The following BRINP3 variants were observed in gnomAD, a reference collection of about 807,000 sequenced individuals.
The protein encoded by BRINP3 is BMP/retinoic acid inducible neural specific 3.
Under a neutral mutation model 71.0 loss-of-function variants are expected in BRINP3, and 19 were observed. The ratio of observed to expected loss-of-function variants is 0.27; its 90% CI spans 0.19 to 0.39. The LOEUF (loss-of-function observed/expected upper bound fraction) is 0.39. Ranked by LOEUF, BRINP3 falls within the 10% of genes least tolerant of loss-of-function variation. BRINP3 has a pLI of 1.00. For synonymous variants in BRINP3, 380 were observed against 337.7 expected, an observed-to-expected ratio of 1.13 and a Z score of -1.37; for missense variants, 959 against 940.8, an observed-to-expected ratio of 1.02 and a Z score of -0.25.
chr1:190,270,477 AT>A (rs1662010365), intron 3 of BRINP3, among the ~76,000 whole-genome samples: 1 of 151,754 alleles, frequency 6.6e-6, no homozygotes, highest in South Asian at 2.1e-4. Context: ...ATGTAAATCA[AT>A]TTTTGGAATA....
intron 2 of BRINP3, among the ~76,000 whole-genome samples, chr1:190,421,456 T>C (rs1238681210): frequency 6.6e-6 from 1 of 151,420 alleles, no homozygotes. Context: ...TGGATCTACA[T>C]GTTATTTTAT....
At chr1:190,280,935 T>C (rs1298336283) in intron 3 of BRINP3, among the ~76,000 whole-genome samples, 1 of 151,960 alleles carries the variant, frequency 6.6e-6, no homozygotes, top group African/African-American at 2.4e-5. Flanking sequence ...TTCAAAATGC[T>C]GAATCACACA....
intron 7 of BRINP3, among the ~76,000 whole-genome samples, chr1:190,129,569 T>G (rs1654364229): frequency 6.6e-6 from 1 of 151,926 alleles, no homozygotes. Flanking sequence ...CCAATCTGTG[T>G]TTAGAGCAGC....
At chr1:190,246,476 T>C (rs1490739342) in intron 4 of BRINP3, among the ~76,000 whole-genome samples, 2 of 151,906 alleles carry the variant, frequency 1.3e-5, no homozygotes, top group African/African-American at 4.8e-5. Flanking sequence ...AGGTGATTGT[T>C]AGCTCACTTA....
At position 190,370,667 on chromosome 1, in the gene BRINP3, T is replaced by C. The variant is rs12038520; in HGVS notation, c.236+83988A>G. ...GTGGGAGAGGCTGGCTTGGCTAAGG[T>C]AAGGCAGGGCCTTCATGGCGAAGCC... On this transcript the variant is annotated intron_variant, in intron 2 of 7. Coordinates refer to ENST00000367462, the MANE Select transcript of BRINP3 (RefSeq NM_199051.3). Among the ~76,000 whole-genome samples the C allele has an allele frequency of 3.3e-3, 506 of 152,318 alleles. 24 individuals are homozygous for C. In the East Asian group the frequency reaches 0.077, roughly 23 times the overall value.
rs372322835 is a variant in BRINP3 at position 190,297,361 on chromosome 1, C to CA, written c.237-15612dup. 6.0e-3 allele frequency among the ~76,000 whole-genome samples: 863 copies of CA among 143,772 alleles called. 7 individuals are homozygous for CA. The highest frequency in any genetic ancestry group is 0.011 in the Middle Eastern group (3 of 276). 94.3% of individuals were successfully genotyped at this position (143,772 alleles called of 152,430 possible). On this transcript the variant is annotated intron_variant, in intron 2 of 7. Transcript: ENST00000367462. ...TTGGACCTTTGTCTCATACAATACA[C>CA]AAAAAAAAAACTCAAAAAAGATTAA... is the stretch of plus-strand genomic sequence containing the variant.
chr1:190,340,923 A>C (rs1202322619), intron 2 of BRINP3, among the ~76,000 whole-genome samples: 1 of 151,636 alleles, frequency 6.6e-6, no homozygotes, highest in Non-Finnish European at 1.5e-5. Context: ...TTTTTCCAAG[A>C]AATACTTTTT....
At chr1:190,312,480 G>C (rs1243464806) in intron 2 of BRINP3, among the ~76,000 whole-genome samples, 1 of 151,590 alleles carries the variant, frequency 6.6e-6, no homozygotes, top group Non-Finnish European at 1.5e-5. Flanking sequence ...GAAATGAATA[G>C]AGCAGGCTTT....
chr1:190,403,207 T>C (rs1672047214), intron 2 of BRINP3, among the ~76,000 whole-genome samples: 1 of 152,228 alleles, frequency 6.6e-6, no homozygotes, highest in African/African-American at 2.4e-5. Context: ...TTATTTAATA[T>C]TGTATTTGCC....
intron 2 of BRINP3, among the ~76,000 whole-genome samples, chr1:190,295,556 C>T (rs886785040): frequency 2.6e-5 from 4 of 152,080 alleles, no homozygotes; most frequent in African/African-American, 9.7e-5. Context: ...ACTGAGGGCC[C>T]GAGGCCACTG....
At chr1:190,099,289 CTATAT>C (rs1175713929) in intron 7 of BRINP3, among the ~76,000 whole-genome samples, 155 bp from the exon 8 acceptor site, 2 of 112,554 alleles carry the variant, frequency 1.8e-5, no homozygotes, top group East Asian at 5.6e-4. Flanking sequence ...CATAATTAGA[CTATAT>C]AATACACACA....
chr1:190,342,031 T>C (rs1180593650), intron 2 of BRINP3, among the ~76,000 whole-genome samples: 1 of 151,168 alleles, frequency 6.6e-6, no homozygotes, highest in East Asian at 2.0e-4. Flanking sequence ...TTTTGCAGTT[T>C]CTAGAGTACC....
At chr1:190,467,775 T>G (rs998917682) in intron 1 of BRINP3, among the ~76,000 whole-genome samples, 8 of 151,598 alleles carry the variant, frequency 5.3e-5, no homozygotes, top group Non-Finnish European at 1.0e-4. Flanking sequence ...CAAAAGGTTA[T>G]GAGGTACTAT....
intron 6 of BRINP3, among the ~76,000 whole-genome samples, chr1:190,183,828 C>A (rs1163605978): frequency 1.3e-5 from 2 of 152,036 alleles, no homozygotes; most frequent in Non-Finnish European, 2.9e-5. Flanking sequence ...TTCAGGATAG[C>A]CTGATAAAGG....
At chr1:190,341,520 C>T (rs1667653280) in intron 2 of BRINP3, among the ~76,000 whole-genome samples, 2 of 151,630 alleles carry the variant, frequency 1.3e-5, no homozygotes, top group African/African-American at 4.8e-5. Context: ...ATTTTGTAAG[C>T]ACATATAGCA....
intron 1 of BRINP3, among the ~76,000 whole-genome samples, chr1:190,458,520 A>T (rs1676161857): frequency 6.6e-6 from 1 of 152,064 alleles, no homozygotes; most frequent in Non-Finnish European, 1.5e-5. Context: ...AAAGTAGATC[A>T]TTGTACATTT....
chr1:190,202,314 C>T (rs1026659983), intron 6 of BRINP3, among the ~76,000 whole-genome samples: 1 of 152,084 alleles, frequency 6.6e-6, no homozygotes, highest in African/African-American at 2.4e-5. Flanking sequence ...TTTGGAATGG[C>T]TGTATTTATG....
intron 2 of BRINP3, among the ~76,000 whole-genome samples, chr1:190,445,441 A>G (rs185173351): frequency 6.6e-6 from 1 of 152,308 alleles, no homozygotes; most frequent in East Asian, 1.9e-4. Flanking sequence ...AAAAGCAGAA[A>G]GGACATAATG....
Position 190,144,548 on chromosome 1 carries a change from A to G in BRINP3, c.1184+16120T>C, listed in dbSNP as rs114463857. On this transcript the variant is annotated intron_variant, in intron 7 of 7. Coordinates refer to ENST00000367462, the MANE Select transcript of BRINP3 (RefSeq NM_199051.3). ...TAATAATTAAATTAGAAAACTAAGT[A>G]TATTCATCTTTTTTTCCATTTTTGT... is the stretch of plus-strand genomic sequence containing the variant. 3.4e-3 allele frequency among the ~76,000 whole-genome samples: 512 copies of G among 152,272 alleles called. 2 individuals carry two copies. The highest frequency in any genetic ancestry group is 0.012 in the African/African-American group (499 of 41,570).
Sources: gnomAD v4.1 joint callset for allele counts (sites outside exome capture counted in the v4.1 genomes callset) on GRCh38, gnomAD v4.1.1 for gene constraint, MANE v1.5 for transcripts, NCBI Gene and HGNC (gene_info 2026-07-23, HGNC 2026-07-21) for gene names.